The following LCA5 variants were observed in gnomAD, a reference collection of about 807,000 sequenced individuals.
LCA5 encodes the protein lebercilin.
Under a neutral mutation model 53.0 loss-of-function variants are expected in LCA5, and 37 were observed. The observed-to-expected ratio is 0.70, with a 90% CI of 0.54 to 0.92. LCA5 has a LOEUF of 0.92. Among genes scored for constraint, LCA5 ranks in the 40% least tolerant of loss-of-function variants. The pLI, the probability that LCA5 is intolerant of heterozygous loss-of-function variation, is 0.00. For synonymous variants in LCA5, 303 were observed against 282.9 expected (o/e 1.07, Z -0.71); for missense variants, 806 against 790.5 (o/e 1.02, Z -0.23).
intron 1 of LCA5, among the ~76,000 whole-genome samples, chr6:79,531,732 C>A (rs1322957783): frequency 6.6e-6 from 1 of 152,114 alleles, no homozygotes; most frequent in African/African-American, 2.4e-5. Context: ...TTCCTTCCCT[C>A]CTAAAAACTC....
At chr6:79,506,032 T>C (rs1010492185) in intron 3 of LCA5, among the ~76,000 whole-genome samples, 1 of 152,112 alleles carries the variant, frequency 6.6e-6, no homozygotes, top group African/African-American at 2.4e-5. Context: ...ATACACCTAC[T>C]CGAGGGCAGC....
At chr6:79,516,276 T>C (rs1396803090) in intron 2 of LCA5, among the ~76,000 whole-genome samples, 1 of 151,954 alleles carries the variant, frequency 6.6e-6, no homozygotes, top group East Asian at 1.9e-4. Flanking sequence ...CCAACATATG[T>C]AGTTAATGGA....
intron 1 of LCA5, among the ~76,000 whole-genome samples, chr6:79,524,976 T>G (rs1055587503): frequency 6.6e-6 from 1 of 152,132 alleles, no homozygotes; most frequent in South Asian, 2.1e-4. Context: ...TCAAAGAGTT[T>G]TTTTCAATTT....
intron 1 of LCA5, among the ~76,000 whole-genome samples, chr6:79,524,215 C>T (rs781600178): frequency 1.3e-5 from 2 of 152,172 alleles, no homozygotes; most frequent in African/African-American, 2.4e-5. Flanking sequence ...GTACTGCTGT[C>T]ATTCTGGAAT....
At chr6:79,499,852 C>T (rs946686937) in intron 3 of LCA5, among the ~76,000 whole-genome samples, 18 of 151,296 alleles carry the variant, frequency 1.2e-4, no homozygotes, top group African/African-American at 4.1e-4. Flanking sequence ...CCCACTCCCC[C>T]CACCCCACAA....
intron 1 of LCA5, among the ~76,000 whole-genome samples, chr6:79,526,876 A>G (rs897114889): frequency 1.3e-5 from 2 of 152,212 alleles, no homozygotes; most frequent in African/African-American, 4.8e-5. Context: ...ATGGGCTCCT[A>G]TATTTTGGCA....
At chr6:79,531,883 C>T (rs1287237818) in intron 1 of LCA5, among the ~76,000 whole-genome samples, 2 of 151,698 alleles carry the variant, frequency 1.3e-5, no homozygotes, top group Non-Finnish European at 2.9e-5. Context: ...CAGGGCAGCA[C>T]ATGTTATCTA....
At chr6:79,524,723 G>A (rs1181353376) in intron 1 of LCA5, among the ~76,000 whole-genome samples, 5 of 151,236 alleles carry the variant, frequency 3.3e-5, no homozygotes, top group South Asian at 2.1e-4. Flanking sequence ...TCCTTTTTTC[G>A]CTCCCTAGGT....
intron 1 of LCA5, among the ~76,000 whole-genome samples, chr6:79,522,104 T>TA (rs574559904): frequency 9.2e-5 from 14 of 151,988 alleles, no homozygotes; most frequent in Admixed American, 1.3e-4. Flanking sequence ...AATTTATATA[T>TA]AAAAAAAATC....
At chr6:79,519,500 G>A (rs191442263) in intron 1 of LCA5, among the ~76,000 whole-genome samples, 8 of 152,088 alleles carry the variant, frequency 5.3e-5, no homozygotes, top group South Asian at 2.1e-4. Flanking sequence ...TTGGGAGGCC[G>A]AGGCGGGCAG....
intron 3 of LCA5, among the ~76,000 whole-genome samples, chr6:79,505,429 G>A (rs915203876): frequency 1.3e-5 from 2 of 152,022 alleles, no homozygotes; most frequent in African/African-American, 4.8e-5. Flanking sequence ...TTAAATAATA[G>A]ATATAATAAG....
In LCA5 at chr6:79,513,685, A is replaced by T. The variant is rs762792193; in HGVS notation, c.247T>A (p.Phe83Ile). The T allele has an allele frequency of 1.2e-6, 2 of 1,613,728 alleles. No homozygotes were observed. Among genetic ancestry groups the T allele is most frequent in the Admixed American group, 1.7e-5 (1 of 59,966 alleles). Reference sequence around the variant, plus strand: ...TCTCTATTGAGGCTCTGGGAGCGAAATCCCACTCGGACTCCCTTTCTGTTT... The same window carrying T: ...TCTCTATTGAGGCTCTGGGAGCGAATTCCCACTCGGACTCCCTTTCTGTTT... ...LPNRKGVRVG[F>I]RSQSLNREPL... The change falls in exon 3 of 8, where the codon TTT becomes ATT. Residue 83 changes from phenylalanine to isoleucine, a missense_variant. Phe to Ile is a conservative substitution (Grantham distance 21). Transcript: ENST00000369846.
chr6:79,504,168 T>C (rs1369339176), intron 3 of LCA5, among the ~76,000 whole-genome samples: 1 of 152,174 alleles, frequency 6.6e-6, no homozygotes, highest in Non-Finnish European at 1.5e-5. Flanking sequence ...TATTAACAAA[T>C]AGCCAAAAAT....
intron 3 of LCA5, among the ~76,000 whole-genome samples, chr6:79,496,952 A>C (rs568727401): frequency 1.3e-5 from 2 of 152,306 alleles, no homozygotes; most frequent in African/African-American, 4.8e-5. Flanking sequence ...CTAAAGAAGG[A>C]TACAATTATT....
intron 1 of LCA5, among the ~76,000 whole-genome samples, chr6:79,526,656 A>T (rs753024744): frequency 1.2e-4 from 19 of 152,192 alleles, no homozygotes; most frequent in Non-Finnish European, 2.6e-4. Context: ...GGAATTATGG[A>T]AAGTTTACAA....
chr6:79,493,829 G>T, intron 3 of LCA5, 79 bp from the exon 4 acceptor site: 1 of 1,110,008 alleles, frequency 9.0e-7, no homozygotes, highest in Non-Finnish European at 1.3e-6. Context: ...GTGTCAAAAT[G>T]ATGTTTTTAG....
intron 2 of LCA5, among the ~76,000 whole-genome samples, chr6:79,514,413 T>C (rs1766364734): frequency 6.6e-6 from 1 of 152,130 alleles, no homozygotes; most frequent in Non-Finnish European, 1.5e-5. Context: ...ACACTGTTGG[T>C]AGGAGTATAA....
intron 1 of LCA5, among the ~76,000 whole-genome samples, chr6:79,524,649 C>A (rs1766727235): frequency 6.6e-6 from 1 of 151,922 alleles, no homozygotes; most frequent in African/African-American, 2.4e-5. Flanking sequence ...AAGTAAATTC[C>A]CTTAGGGAAT....
intron 3 of LCA5, 65 bp downstream of exon 3, chr6:79,513,147 A>C (rs756188096): frequency 7.0e-7 from 1 of 1,438,226 alleles, no homozygotes; most frequent in South Asian, 1.2e-5. Context: ...ATTTTAAGAG[A>C]GCACATTAAA....
Sources: allele counts gnomAD v4.1 joint callset (sites outside exome capture counted in the v4.1 genomes callset), GRCh38; gene constraint gnomAD v4.1.1; transcripts MANE v1.5; gene names NCBI Gene and HGNC (gene_info 2026-07-23, HGNC 2026-07-21).